The following ODC1 variants were observed in gnomAD, a reference collection of about 807,000 sequenced individuals.
The protein encoded by ODC1 is ornithine decarboxylase.
A neutral mutation model predicts 41.5 loss-of-function variants in ODC1; 18 were observed. The observed-to-expected ratio is 0.43, with a 90% CI of 0.30 to 0.64. The LOEUF (loss-of-function observed/expected upper bound fraction) is 0.64. Ranked by LOEUF, ODC1 falls within the 30% of genes least tolerant of loss-of-function variation. The probability of loss-of-function intolerance (pLI) is 0.11; values close to 1 mark genes in which losing one functional copy is unlikely to be tolerated. For synonymous variants in ODC1, 218 were observed against 211.6 expected, an observed-to-expected ratio of 1.03 and a Z score of -0.26; for missense variants, 504 against 589.0, an observed-to-expected ratio of 0.86 and a Z score of 1.49.
rs201242857 is a variant in ODC1, at chr2:10,444,991, G to A, written c.42C>T (p.Leu14=). Reference sequence around the variant, plus strand: ...TGTCCTTGGCAGTAAAACCTTCATCGAGGAAGTGGCAGTCAAACTCTTCAT... The same window carrying A: ...TGTCCTTGGCAGTAAAACCTTCATCAAGGAAGTGGCAGTCAAACTCTTCAT... The part of the protein sequence containing the change: ...FGNEEFDCHF[L]DEGFTAKDIL... Residue 14 remains leucine, a synonymous_variant, in exon 3 of 12, where the codon CTC becomes CTT. Transcript: ENST00000234111. The A allele has an allele frequency of 8.4e-5, 136 of 1,613,750 alleles. No individual in the cohort carries two copies. Among genetic ancestry groups the A allele is most frequent in the South Asian group, 1.2e-4 (11 of 91,068 alleles).
chr2:10,440,331 T>C lies in ODC1; in HGVS notation c.*393A>G, dbSNP rs1671778935. 6.0e-6 allele frequency: 1 copy of C among 167,312 alleles called. No homozygotes were observed. Among genetic ancestry groups the C allele is most frequent in the South Asian group, 1.4e-4 (1 of 7,074 alleles). The allele number at this position is 167,312 out of a possible 1,614,324, so 10.4% of individuals were successfully genotyped here. A position where few individuals can be genotyped will look rare whatever the true frequency, so the allele number is the denominator to read the frequency against. Reference sequence around the variant, plus strand: ...GTTCTCTGAGAATCAGAGCGAGCTATACGGGATTCGTGAACTGTCTGGAAT... The same window carrying C: ...GTTCTCTGAGAATCAGAGCGAGCTACACGGGATTCGTGAACTGTCTGGAAT... On this transcript the variant is annotated 3_prime_UTR_variant, in exon 12 of 12. Transcript: ENST00000234111.
intron 1 of ODC1, 97 bp from the exon 2 acceptor site, chr2:10,445,361 G>A (rs1031859741): frequency 8.3e-5 from 23 of 277,150 alleles, no homozygotes; most frequent in Non-Finnish European, 1.4e-4. Context: ...ATCATGCCCC[G>A]GATATGAACC....
Position 10,443,840 on chromosome 2 carries a change from C to G in ODC1, c.450-4G>C. On this transcript the variant is annotated splice_polypyrimidine_tract_variant and splice_region_variant and intron_variant, in intron 5 of 11. Transcript: ENST00000234111. ...AGTGGCAATCCGCAAAACCAACCTA[C>G]AAGCAAGGAAAGTGCAGCAAATGTC... The G allele has an allele frequency of 6.2e-7, 1 of 1,613,462 alleles. No individual in the cohort carries two copies. Among genetic ancestry groups the G allele is most frequent in the Non-Finnish European group, 8.5e-7 (1 of 1,179,462 alleles).
rs1378039556 is a variant in ODC1 at position 10,440,708 on chromosome 2, G to C, written c.*16C>G. The C allele has an allele frequency of 6.2e-7, 1 of 1,606,578 alleles. No homozygotes were observed. Among genetic ancestry groups the C allele is most frequent in the Non-Finnish European group, 8.5e-7 (1 of 1,175,914 alleles). Reference sequence around the variant, plus strand: ...ATTCAAGCTAAACTTGCAGTTAACAGCTACCAGAGTGCTATCTACACATTA... The same window carrying C: ...ATTCAAGCTAAACTTGCAGTTAACACCTACCAGAGTGCTATCTACACATTA... On this transcript the variant is annotated 3_prime_UTR_variant, in exon 12 of 12. Transcript: ENST00000234111.
Position 10,443,647 on chromosome 2 carries a change from G to A in ODC1, c.584+55C>T, listed in dbSNP as rs942695385. 4.4e-6 allele frequency: 7 copies of A among 1,607,196 alleles called. No individual in the cohort carries two copies. The African/African-American group carries it at 5.3e-5, about 12-fold the overall frequency. On this transcript the variant is annotated intron_variant, in intron 6 of 11. Transcript: ENST00000234111. ...AATAGCAAACACTAGGAGAAAGCCT[G>A]TAAAACTCAAACTGTTCAATGTCTT...
At position 10,448,245 on chromosome 2, in the gene ODC1, G is replaced by C. The variant is rs1672104693; in HGVS notation, c.-252C>G. 4.6e-6 allele frequency: 1 copy of C among 215,840 alleles called. No individual in the cohort carries two copies. The highest frequency in any genetic ancestry group is 9.1e-6 in the Non-Finnish European group (1 of 110,408). 13.4% of individuals were successfully genotyped at this position (215,840 alleles called of 1,614,324 possible). The stretch of plus-strand genomic sequence containing the variant: ...CGTCAGCGCCTGGCTCCCGCCCGCC[G>C]GAGACGCCGGCCCGAGGTGGCGCCG... On this transcript the variant is annotated 5_prime_UTR_variant, in exon 1 of 12. Transcript: ENST00000234111.
At position 10,444,129 on chromosome 2, in the gene ODC1, A is replaced by G. The variant is rs1671934562; in HGVS notation, c.415T>C (p.Leu139=). ...GGATGTGCTCTGGCAACTTTCATCA[A>G]CTCAACTTCACTATCAAAAGTCATC... ...QMMTFDSEVE[L]MKVARAHPKA... The change falls in exon 5 of 12, where the codon TTG becomes CTG. Residue 139 remains leucine, a synonymous_variant. Coordinates refer to ENST00000234111, the MANE Select transcript of ODC1 (RefSeq NM_002539.3). 3 of 1,606,066 alleles carry G rather than the reference A, an allele frequency of 1.9e-6. No individual in the cohort carries two copies. The East Asian group carries it at 6.7e-5, about 36-fold the overall frequency.
intron 10 of ODC1, 26 bp from the exon 11 acceptor site, chr2:10,441,749 G>A: frequency 6.2e-7 from 1 of 1,612,454 alleles, no homozygotes; most frequent in Non-Finnish European, 8.5e-7. Flanking sequence ...GAGAGAGGAA[G>A]TACTACTTAA....
At position 10,443,717 on chromosome 2, in the gene ODC1, T is replaced by C. The variant is rs377578357; in HGVS notation, c.569A>G (p.Asp190Gly). The change falls in exon 6 of 12, where the codon GAT (aspartate) becomes GGT (glycine). Residue 190 changes from aspartate to glycine, a missense_variant. Physicochemically the swap from Asp to Gly is moderately conservative, Grantham distance 94 (BLOSUM62 -1). This residue lies in a region of ODC1 where 447 missense variants were observed against 524.4 expected (regional missense o/e 0.85). Coordinates refer to ENST00000234111, the MANE Select transcript of ODC1 (RefSeq NM_002539.3). ...LLERAKELNI[D>G]VVGVSFHVGS... Reference sequence around the variant, plus strand: ...AAAATCTCACCTGACACCAACAACATCGATATTTAGCTCTTTCGCCCGTTC... The same window carrying C: ...AAAATCTCACCTGACACCAACAACACCGATATTTAGCTCTTTCGCCCGTTC... The C allele has an allele frequency of 6.8e-6, 11 of 1,614,024 alleles. No homozygotes were observed. The African/African-American group carries it at 1.5e-4, about 22-fold the overall frequency.
chr2:10,445,619 C>T (rs913566209), intron 1 of ODC1, among the ~76,000 whole-genome samples: 2 of 152,196 alleles, frequency 1.3e-5, no homozygotes, highest in Non-Finnish European at 2.9e-5. Context: ...TCCTTAGAAA[C>T]TTAAAATAGC....
In ODC1 at chr2:10,443,759, G is replaced by A; in HGVS notation, c.527C>T (p.Thr176Ile). 1.2e-6 allele frequency: 2 copies of A among 1,614,186 alleles called. No homozygotes were observed. The highest frequency in any genetic ancestry group is 1.1e-5 in the South Asian group (1 of 91,082). Residue 176 changes from threonine (T) to isoleucine (I), a missense_variant, in exon 6 of 12, where the codon ACC becomes ATC. Thr to Ile is a moderately conservative substitution (Grantham distance 89). Transcript: ENST00000234111. ...LSVKFGATLR[T>I]SRLLLERAKE... is the part of the protein sequence containing the mutation. ...CGCCCGTTCCAAAAGGAGCCTGCTG[G>A]TTCTGAGCGTGGCACCGAATTTCAC...
chr2:10,443,379 C>T (rs2148068926), intron 7 of ODC1, 66 bp from the exon 8 acceptor site: 2 of 1,563,026 alleles, frequency 1.3e-6, no homozygotes, highest in Non-Finnish European at 1.8e-6. Flanking sequence ...AGCAGATAGG[C>T]TGAAACCCAT....
At chr2:10,443,147 G>A (rs1671887656) in intron 8 of ODC1, 83 bp downstream of exon 8, 1 of 1,087,118 alleles carries the variant, frequency 9.2e-7, no homozygotes, top group Non-Finnish European at 1.4e-6. Context: ...TGTGGTATTA[G>A]TTAAGACACT....
intron 5 of ODC1, 86 bp downstream of exon 5, chr2:10,444,009 A>G: frequency 6.7e-7 from 1 of 1,486,632 alleles, no homozygotes; most frequent in Non-Finnish European, 9.0e-7. Context: ...GTATAGAAAT[A>G]TAATAATCAG....
At chr2:10,443,655 CA>C (rs1671910524) in intron 6 of ODC1, 46 bp downstream of exon 6, 1 of 1,607,640 alleles carries the variant, frequency 6.2e-7, no homozygotes, top group East Asian at 2.2e-5. Context: ...CTGTAAAACT[CA>C]AACTGTTCAA....
rs781109559 is a variant in ODC1, at chr2:10,444,508, G to C, written c.242C>G (p.Ala81Gly). The change falls in exon 4 of 12, where the codon GCT (alanine) becomes GGT (glycine). Residue 81 changes from alanine (A) to glycine (G), a missense_variant. This residue lies in a region of ODC1 where 447 missense variants were observed against 524.4 expected (regional missense o/e 0.85). Coordinates refer to ENST00000234111, the MANE Select transcript of ODC1 (RefSeq NM_002539.3). ...ACAGTCAAATCCTGTCCCGGTAGCA[G>C]CAAGGGTCTTCACGATGGCTTTGCT... is the stretch of plus-strand genomic sequence containing the variant. ...NDSKAIVKTL[A>G]ATGTGFDCAS... 1.2e-6 allele frequency: 2 copies of C among 1,613,628 alleles called. No homozygotes were observed. Among genetic ancestry groups the C allele is most frequent in the Non-Finnish European group, 1.7e-6 (2 of 1,179,914 alleles).
intron 1 of ODC1, chr2:10,447,464 T>C (rs1433638714): frequency 6.6e-6 from 1 of 152,306 alleles, no homozygotes; most frequent in Non-Finnish European, 1.5e-5. Flanking sequence ...AATCAGCCTT[T>C]TCTGCAAACC....
chr2:10,444,764 CTGATA>C (rs1379486980), intron 3 of ODC1, 117 bp from the exon 4 acceptor site: 1 of 916,682 alleles, frequency 1.1e-6, no homozygotes, highest in African/African-American at 1.7e-5. Context: ...AGTCTAGCCA[CTGATA>C]TGAGTATCAC....
Position 10,445,275 on chromosome 2 carries a change from A to AAT in ODC1, c.-127-12_-127-11insAT. ...AACAGCAGTGACAATCTGAGAAATA[A>AAT]AATAGGGAATTTGCTGTCTACCTTA... On this transcript the variant is annotated splice_polypyrimidine_tract_variant and intron_variant, in intron 1 of 11. Transcript: ENST00000234111. The AAT allele has an allele frequency of 2.3e-6, 1 of 426,772 alleles. No homozygotes were observed. Among genetic ancestry groups the AAT allele is most frequent in the East Asian group, 4.9e-5 (1 of 20,562 alleles). The allele number at this position is 426,772 out of a possible 1,614,324, so 26.4% of individuals were successfully genotyped here.
Sources: gnomAD v4.1 joint callset for allele counts (sites outside exome capture counted in the v4.1 genomes callset) on GRCh38, gnomAD v4.1.1 for gene constraint, gnomAD v4.1.1 regional missense constraint, MANE v1.5 for transcripts, NCBI Gene and HGNC (gene_info 2026-07-23, HGNC 2026-07-21) for gene names.